The following WDR45B variants were observed in gnomAD, a reference collection of about 807,000 sequenced individuals.
WDR45B encodes WD repeat domain phosphoinositide-interacting protein 3.
A neutral mutation model predicts 44.6 loss-of-function variants in WDR45B; 20 were observed. That is an observed-to-expected ratio of 0.45 (90% CI 0.32 to 0.65). WDR45B has a LOEUF of 0.65. WDR45B is among the 30% of genes least tolerant of loss of function. The pLI is 0.05. For missense variants in WDR45B, 323 were observed against 430.2 expected (o/e 0.75, Z 2.20); for synonymous variants, 169 against 164.9 (o/e 1.02, Z -0.19).
At chr17:82,647,824 C>G (rs765310626) in intron 1 of WDR45B, among the ~76,000 whole-genome samples, 28 of 152,022 alleles carry the variant, frequency 1.8e-4, no homozygotes, top group East Asian at 3.9e-4. Flanking sequence ...CTGAAAGGAA[C>G]AGGGGGCAAA....
intron 2 of WDR45B, among the ~76,000 whole-genome samples, chr17:82,639,594 G>C (rs949073265): frequency 1.3e-5 from 2 of 150,862 alleles, no homozygotes; most frequent in African/African-American, 4.9e-5. Context: ...TGGCACGCTG[G>C]GTGAGCACAC....
At chr17:82,618,747 C>A (rs2045572797) in intron 7 of WDR45B, among the ~76,000 whole-genome samples, 1 of 151,744 alleles carries the variant, frequency 6.6e-6, no homozygotes, top group African/African-American at 2.4e-5. Context: ...ATAAAAACCC[C>A]AAAAAAACAA....
At chr17:82,620,068 C>G (rs1014424423) in intron 6 of WDR45B, among the ~76,000 whole-genome samples, 1 of 152,204 alleles carries the variant, frequency 6.6e-6, no homozygotes, top group African/African-American at 2.4e-5. Flanking sequence ...ACCAAAAATA[C>G]AGAGGAACCG....
At chr17:82,618,303 T>C (rs562286841) in intron 7 of WDR45B, among the ~76,000 whole-genome samples, 4 of 152,384 alleles carry the variant, frequency 2.6e-5, no homozygotes, top group South Asian at 4.1e-4. Flanking sequence ...CCAGGCCTCC[T>C]GGCCGTGGCC....
chr17:82,618,938 T>C (rs993239378), intron 7 of WDR45B, 105 bp downstream of exon 7: 3 of 1,024,564 alleles, frequency 2.9e-6, no homozygotes, highest in Non-Finnish European at 4.6e-6. Context: ...TCTGGCCTTA[T>C]TCGGGGGAGG....
intron 2 of WDR45B, among the ~76,000 whole-genome samples, chr17:82,635,874 G>A (rs1464976195): frequency 6.6e-6 from 1 of 151,838 alleles, no homozygotes; most frequent in African/African-American, 2.4e-5. Context: ...GGATCCCTCA[G>A]GTCGGGAGTT....
At chr17:82,624,782 C>CCACAAATGGTATTCT (rs2045672418) in intron 5 of WDR45B, among the ~76,000 whole-genome samples, 1 of 151,304 alleles carries the variant, frequency 6.6e-6, no homozygotes, top group Non-Finnish European at 1.5e-5. Flanking sequence ...CCACGCCCGG[C>CCACAAATGGTATTCT]TAATTTTTTG....
At chr17:82,646,938 T>TA (rs1235373480) in intron 1 of WDR45B, among the ~76,000 whole-genome samples, 1 of 151,970 alleles carries the variant, frequency 6.6e-6, no homozygotes, top group African/African-American at 2.4e-5. Flanking sequence ...TTCTTTCAAA[T>TA]ATGTGTAATC....
chr17:82,617,575 GAAGCCACA>G (rs2045554035), intron 7 of WDR45B, 178 bp from the exon 8 acceptor site: 1 of 676,772 alleles, frequency 1.5e-6, no homozygotes, highest in Admixed American at 2.1e-5. Context: ...ACCACAGGTT[GAAGCCACA>G]AAGCCACAGC....
At chr17:82,632,441 G>A (rs371482889) in intron 2 of WDR45B, among the ~76,000 whole-genome samples, 3 of 152,140 alleles carry the variant, frequency 2.0e-5, no homozygotes, top group African/African-American at 7.2e-5. Flanking sequence ...TGCTGGGATT[G>A]TAAGTGTGAG....
At chr17:82,627,333 G>C in intron 3 of WDR45B, 42 bp from the exon 4 acceptor site, 1 of 1,515,258 alleles carries the variant, frequency 6.6e-7, no homozygotes, top group Non-Finnish European at 9.1e-7. Context: ...TCATCAGCAG[G>C]CCATGGCGCT....
intron 2 of WDR45B, among the ~76,000 whole-genome samples, chr17:82,637,397 C>T (rs937523684): frequency 6.6e-6 from 1 of 151,986 alleles, no homozygotes; most frequent in Non-Finnish European, 1.5e-5. Context: ...TATTCTCACA[C>T]AATCACCAAC....
At chr17:82,624,697 C>A (rs865964152) in intron 5 of WDR45B, among the ~76,000 whole-genome samples, 3 of 151,420 alleles carry the variant, frequency 2.0e-5, no homozygotes, top group South Asian at 2.1e-4. Context: ...CGGCTCACTG[C>A]GACCTCTACC....
intron 9 of WDR45B, 74 bp from the exon 10 acceptor site, chr17:82,616,099 G>T: frequency 7.3e-7 from 1 of 1,366,074 alleles, no homozygotes; most frequent in Non-Finnish European, 1.0e-6. Flanking sequence ...CCACTGAGCT[G>T]AACTGCAAAG....
intron 3 of WDR45B, among the ~76,000 whole-genome samples, 194 bp from the exon 4 acceptor site, chr17:82,627,485 C>T (rs758568246): frequency 1.3e-5 from 2 of 152,242 alleles, no homozygotes; most frequent in Non-Finnish European, 2.9e-5. Context: ...GCCAGGGATC[C>T]GCCCTCGGGC....
chr17:82,626,936 C>T (rs1408570835), intron 4 of WDR45B: 16 of 522,662 alleles, frequency 3.1e-5, no homozygotes, highest in Middle Eastern at 5.4e-4. Flanking sequence ...TAACTCACCA[C>T]GGTGAGACCC....
At chr17:82,643,364 C>T (rs2045939746) in intron 2 of WDR45B, among the ~76,000 whole-genome samples, 1 of 151,494 alleles carries the variant, frequency 6.6e-6, no homozygotes, top group Non-Finnish European at 1.5e-5. Flanking sequence ...ACCCGGGAGG[C>T]GGAGGTTGCA....
intron 2 of WDR45B, among the ~76,000 whole-genome samples, chr17:82,640,497 C>T (rs543516057): frequency 2.0e-5 from 3 of 151,930 alleles, no homozygotes; most frequent in South Asian, 2.1e-4. Context: ...ATTAAAGGCA[C>T]GCACCACCAG....
chr17:82,642,868 C>G (rs1476803936), intron 2 of WDR45B, among the ~76,000 whole-genome samples: 3 of 152,242 alleles, frequency 2.0e-5, no homozygotes, highest in African/African-American at 7.2e-5. Flanking sequence ...TACAACTCTC[C>G]TGTAAGCTTC....
Sources: gnomAD v4.1 joint callset for allele counts (sites outside exome capture counted in the v4.1 genomes callset) on GRCh38, gnomAD v4.1.1 for gene constraint, MANE v1.5 for transcripts, NCBI Gene and HGNC (gene_info 2026-07-23, HGNC 2026-07-21) for gene names.